AGBL1: variants seen among roughly 807,000 people sequenced by gnomAD.
The protein encoded by AGBL1 is cytosolic carboxypeptidase 4.
A neutral mutation model predicts 118.9 loss-of-function variants in AGBL1; 130 were observed. The ratio of observed to expected loss-of-function variants is 1.09; its 90% confidence interval spans 0.95 to 1.26. The LOEUF (loss-of-function observed/expected upper bound fraction) is 1.26. Among genes scored for constraint, AGBL1 ranks in the 50% most tolerant of loss-of-function variants. The probability of loss-of-function intolerance (pLI) is 0.00; values close to 1 mark genes in which losing one functional copy is unlikely to be tolerated. For missense variants in AGBL1, 1,584 were observed against 1,298.1 expected (o/e 1.22, Z -3.38); for synonymous variants, 555 against 478.9 (o/e 1.16, Z -2.08).
At position 86,279,733 on chromosome 15, in the gene AGBL1, G is replaced by T; in HGVS notation, c.2170G>T (p.Asp724Tyr). 4 of 1,613,832 alleles carry T rather than the reference G, an allele frequency of 2.5e-6. No individual in the cohort carries two copies. The highest frequency in any genetic ancestry group is 3.4e-6 in the Non-Finnish European group (4 of 1,179,796). ...TFAVTFPHSE[D>Y]VCYLAYHYPY... The stretch of plus-strand genomic sequence containing the variant: ...TGCTGTCACCTTCCCACACAGTGAG[G>T]ATGTCTGCTACCTGGCCTACCACTA... The change falls in exon 16 of 23, where the codon GAT (aspartate) becomes TAT (tyrosine). Residue 724 changes from aspartate (D) to tyrosine (Y), a missense_variant. Asp to Tyr is a radical substitution (Grantham distance 160). Coordinates refer to ENST00000614907, the MANE Select transcript of AGBL1 (RefSeq NM_001386094.1).
chr15:86,918,138 T>C (rs571408281), downstream of AGBL1, among the ~76,000 whole-genome samples: 10 of 152,238 alleles, frequency 6.6e-5, no homozygotes, highest in Non-Finnish European at 1.3e-4. Flanking sequence ...AGTTCATGAA[T>C]ATGATGGTAA....
intron 22 of AGBL1, among the ~76,000 whole-genome samples, chr15:86,896,056 A>G (rs1056296204): frequency 2.0e-5 from 3 of 152,082 alleles, no homozygotes; most frequent in African/African-American, 4.8e-5. Context: ...ACATTTAACC[A>G]TTCTATTAAG....
intron 22 of AGBL1, among the ~76,000 whole-genome samples, chr15:86,800,682 T>C (rs1816310877): frequency 6.6e-6 from 1 of 152,176 alleles, no homozygotes; most frequent in Admixed American, 6.6e-5. Context: ...GCATGAGCCA[T>C]ATGCTAGCAA....
chr15:86,385,212 A>G (rs745856974), intron 17 of AGBL1, among the ~76,000 whole-genome samples: 1 of 152,260 alleles, frequency 6.6e-6, no homozygotes, highest in Non-Finnish European at 1.5e-5. Flanking sequence ...ATATTGAAAT[A>G]GTCATTTTTA....
At chr15:86,716,599 G>C (rs892383500) in intron 22 of AGBL1, among the ~76,000 whole-genome samples, 2 of 152,076 alleles carry the variant, frequency 1.3e-5, no homozygotes, top group Non-Finnish European at 2.9e-5. Context: ...TAAGAAAAAA[G>C]CTCACGGCTA....
chr15:86,202,928 T>C (rs1390676302), intron 5 of AGBL1, among the ~76,000 whole-genome samples: 1 of 152,030 alleles, frequency 6.6e-6, no homozygotes, highest in Non-Finnish European at 1.5e-5. Context: ...TATTTAATAA[T>C]CACCATAAGG....
At chr15:86,225,036 T>C in intron 6 of AGBL1, 85 bp downstream of exon 6, 1 of 1,165,480 alleles carries the variant, frequency 8.6e-7, no homozygotes, top group Non-Finnish European at 1.2e-6. Flanking sequence ...GCTGTTTCTT[T>C]TTTTTTTTTT....
intron 24 of AGBL1, among the ~76,000 whole-genome samples, chr15:86,995,576 C>T (rs2141750334): frequency 6.6e-6 from 1 of 152,138 alleles, no homozygotes; most frequent in Non-Finnish European, 1.5e-5. Flanking sequence ...AAGATTATTT[C>T]CAGAAGGAAG....
chr15:86,966,165 T>C (rs1379591155), intron 23 of AGBL1, among the ~76,000 whole-genome samples: 1 of 151,918 alleles, frequency 6.6e-6, no homozygotes, highest in Non-Finnish European at 1.5e-5. Flanking sequence ...AAGGCTAAGG[T>C]ATCAGGGACT....
chr15:86,161,159 A>G (rs894960308), intron 5 of AGBL1, among the ~76,000 whole-genome samples: 2 of 152,214 alleles, frequency 1.3e-5, no homozygotes, highest in African/African-American at 2.4e-5. Context: ...GATTCCAGGC[A>G]TATTTCTACA....
chr15:86,527,516 C>T (rs1056400103), intron 19 of AGBL1, among the ~76,000 whole-genome samples: 2 of 152,136 alleles, frequency 1.3e-5, no homozygotes, highest in Non-Finnish European at 2.9e-5. Context: ...TTTTAGTTAC[C>T]TAGGAGGCTA....
At chr15:86,742,667 G>C (rs2077696969) in intron 22 of AGBL1, among the ~76,000 whole-genome samples, 1 of 152,136 alleles carries the variant, frequency 6.6e-6, no homozygotes, top group Non-Finnish European at 1.5e-5. Flanking sequence ...TTTTGCCACA[G>C]AGAGGGACTT....
At chr15:86,365,007 A>ATATG (rs1242305382) in intron 17 of AGBL1, among the ~76,000 whole-genome samples, 2 of 136,670 alleles carry the variant, frequency 1.5e-5, no homozygotes, top group Non-Finnish European at 3.1e-5. Context: ...ACATATATAT[A>ATATG]TACACACACA....
chr15:86,471,855 G>A (rs1481633109), intron 18 of AGBL1, among the ~76,000 whole-genome samples: 3 of 152,126 alleles, frequency 2.0e-5, no homozygotes, highest in Non-Finnish European at 2.9e-5. Context: ...AGGAACCCAC[G>A]AATATGATCT....
chr15:86,806,859 A>G (rs914679505), intron 22 of AGBL1, among the ~76,000 whole-genome samples: 2 of 151,740 alleles, frequency 1.3e-5, no homozygotes, highest in Non-Finnish European at 1.5e-5. Flanking sequence ...TACATCTATT[A>G]TATTCTATTG....
intron 18 of AGBL1, among the ~76,000 whole-genome samples, chr15:86,444,502 G>A (rs888961911): frequency 4.6e-5 from 7 of 152,190 alleles, no homozygotes; most frequent in Admixed American, 2.6e-4. Context: ...GTTCACTACA[G>A]GGTAGTGTGA....
chr15:86,543,191 G>C (rs1237346541), intron 19 of AGBL1, among the ~76,000 whole-genome samples: 1 of 148,392 alleles, frequency 6.7e-6, no homozygotes, highest in Non-Finnish European at 1.5e-5. Flanking sequence ...AAGTAATTTA[G>C]TGTTTGCCCT....
At chr15:86,573,394 A>G (rs538696549) in intron 21 of AGBL1, among the ~76,000 whole-genome samples, 1 of 152,362 alleles carries the variant, frequency 6.6e-6, no homozygotes, top group East Asian at 1.9e-4. Flanking sequence ...AGAGTATGGA[A>G]AGAAGTGGGT....
chr15:86,996,788 T>C (rs1274732738), intron 24 of AGBL1, among the ~76,000 whole-genome samples: 1 of 152,196 alleles, frequency 6.6e-6, no homozygotes, highest in Non-Finnish European at 1.5e-5. Flanking sequence ...TACAATTCAA[T>C]AGCAACGCTA....
Sources: allele counts gnomAD v4.1 joint callset (sites outside exome capture counted in the v4.1 genomes callset), GRCh38; gene constraint gnomAD v4.1.1; transcripts MANE v1.5; gene names NCBI Gene and HGNC (gene_info 2026-07-23, HGNC 2026-07-21).